Variants in VRK2 observed in about 807,000 individuals in gnomAD.
The protein encoded by VRK2 is VRK serine/threonine kinase 2, also known as serine/threonine-protein kinase VRK2.
Under a neutral mutation model 57.6 loss-of-function variants are expected in VRK2, and 60 were observed. That is an observed-to-expected ratio of 1.04 (90% CI 0.85 to 1.29). VRK2 has a LOEUF of 1.29. Among genes scored for constraint, VRK2 ranks in the 50% most tolerant of loss-of-function variants. The pLI, the probability that VRK2 is intolerant of heterozygous loss-of-function variation, is 0.00. For synonymous variants in VRK2, 231 were observed against 199.2 expected, an observed-to-expected ratio of 1.16 and a Z score of -1.35; for missense variants, 705 against 588.1, an observed-to-expected ratio of 1.20 and a Z score of -2.06.
chr2:58,010,536 G>C (rs1673388041), intron 1 of VRK2, among the ~76,000 whole-genome samples: 1 of 152,024 alleles, frequency 6.6e-6, no homozygotes, highest in Admixed American at 6.6e-5. Context: ...TAGCCTGTTG[G>C]TTAATTTTGC....
chr2:58,110,414 T>C (rs1675386982), intron 7 of VRK2, among the ~76,000 whole-genome samples: 1 of 152,136 alleles, frequency 6.6e-6, no homozygotes, highest in Non-Finnish European at 1.5e-5. Flanking sequence ...AATAACTATA[T>C]GACAAAAAGG....
chr2:58,009,847 C>T (rs1210152822), intron 1 of VRK2, among the ~76,000 whole-genome samples: 2 of 152,042 alleles, frequency 1.3e-5, no homozygotes, highest in Non-Finnish European at 2.9e-5. Context: ...ATTCTCCATA[C>T]TGTTTTTTTC....
intron 7 of VRK2, among the ~76,000 whole-genome samples, chr2:58,104,468 A>G (rs1040201497): frequency 4.6e-5 from 7 of 151,796 alleles, no homozygotes; most frequent in Admixed American, 3.3e-4. Context: ...TACAGTAACT[A>G]AAAAAATGAA....
chr2:58,049,819 A>G (rs1675438423), intron 2 of VRK2, among the ~76,000 whole-genome samples: 1 of 152,210 alleles, frequency 6.6e-6, no homozygotes, highest in Non-Finnish European at 1.5e-5. Context: ...ATATTTCCAG[A>G]AAAACATGCT....
chr2:57,947,126 T>C (rs1671286094), intron 1 of VRK2, among the ~76,000 whole-genome samples: 1 of 152,174 alleles, frequency 6.6e-6, no homozygotes, highest in African/African-American at 2.4e-5. Flanking sequence ...AACTCGTTAC[T>C]TCATCAATGC....
chr2:58,107,642 A>G (rs1230782090), intron 7 of VRK2, among the ~76,000 whole-genome samples: 1 of 152,276 alleles, frequency 6.6e-6, no homozygotes, highest in African/African-American at 2.4e-5. Context: ...AAATTAGTTT[A>G]CTTAATATTG....
At chr2:58,035,860 T>G (rs1674258193) in intron 3 of VRK2, among the ~76,000 whole-genome samples, 1 of 152,026 alleles carries the variant, frequency 6.6e-6, no homozygotes, top group Non-Finnish European at 1.5e-5. Flanking sequence ...GGATAATATT[T>G]GGGTATAAAA....
intron 2 of VRK2, among the ~76,000 whole-genome samples, chr2:58,049,441 C>T (rs927183919): frequency 1.3e-5 from 2 of 152,280 alleles, no homozygotes; most frequent in East Asian, 1.9e-4. Flanking sequence ...ACTTCTCTCT[C>T]GTGCATCTAG....
chr2:58,015,943 C>T (rs1673567077), intron 1 of VRK2, among the ~76,000 whole-genome samples: 1 of 151,762 alleles, frequency 6.6e-6, no homozygotes, highest in Non-Finnish European at 1.5e-5. Flanking sequence ...TTTCTTATAG[C>T]TAGCTTTTTT....
intron 12 of VRK2, among the ~76,000 whole-genome samples, chr2:58,156,613 GT>G (rs374653003): frequency 6.9e-6 from 1 of 145,438 alleles, no homozygotes; most frequent in African/African-American, 2.8e-5. Context: ...GTTTTGTTTT[GT>G]TTTTGCCTGA....
At chr2:58,098,586 T>C (rs1288110847) in intron 7 of VRK2, among the ~76,000 whole-genome samples, 2 of 151,896 alleles carry the variant, frequency 1.3e-5, no homozygotes, top group African/African-American at 4.8e-5. Flanking sequence ...GTATTTACTA[T>C]AGTAACATGC....
chr2:57,950,508 T>A (rs1671394661), intron 1 of VRK2, among the ~76,000 whole-genome samples: 1 of 152,192 alleles, frequency 6.6e-6, no homozygotes, highest in African/African-American at 2.4e-5. Flanking sequence ...TGAGACCCAC[T>A]GCTTAGAGAA....
intron 7 of VRK2, among the ~76,000 whole-genome samples, chr2:58,115,194 G>C (rs1298552735): frequency 6.6e-6 from 1 of 152,116 alleles, no homozygotes; most frequent in African/African-American, 2.4e-5. Context: ...TGTGTTCAGG[G>C]TGAGGGACAG....
At chr2:58,137,173 C>CAT (rs1181404531) in intron 10 of VRK2, among the ~76,000 whole-genome samples, 12 of 700 alleles carry the variant, frequency 0.017, no homozygotes, top group African/African-American at 0.031. Flanking sequence ...TATCATATAT[C>CAT]ATATATATCA....
At chr2:57,923,811 G>A (rs759535246) in intron 1 of VRK2, among the ~76,000 whole-genome samples, 7 of 151,800 alleles carry the variant, frequency 4.6e-5, no homozygotes, top group African/African-American at 9.7e-5. Flanking sequence ...CCATTACAAT[G>A]TCTAGAGAAT....
intron 1 of VRK2, among the ~76,000 whole-genome samples, chr2:57,909,278 A>G (rs1669915814): frequency 1.3e-5 from 2 of 152,242 alleles, no homozygotes. Context: ...TTTAGGAAGC[A>G]TTTTATTAGT....
At chr2:58,065,643 A>C (rs1404916329) in intron 2 of VRK2, among the ~76,000 whole-genome samples, 1 of 152,100 alleles carries the variant, frequency 6.6e-6, no homozygotes, top group Admixed American at 6.6e-5. Flanking sequence ...CGACAACAAA[A>C]ATTGCTGGGA....
upstream of VRK2, among the ~76,000 whole-genome samples, chr2:58,042,435 T>A (rs1674497508): frequency 6.6e-6 from 1 of 152,166 alleles, no homozygotes; most frequent in Admixed American, 6.5e-5. Context: ...GCCTCCTGAT[T>A]TTTACAGAAC....
At chr2:58,068,220 C>T (rs557394255) in intron 2 of VRK2, among the ~76,000 whole-genome samples, 1 of 152,182 alleles carries the variant, frequency 6.6e-6, no homozygotes, top group African/African-American at 2.4e-5. Context: ...TTTTGTACTT[C>T]AATATCTTTC....
Sources: allele counts gnomAD v4.1 joint callset (sites outside exome capture counted in the v4.1 genomes callset), GRCh38; gene constraint gnomAD v4.1.1; transcripts MANE v1.5; gene names NCBI Gene and HGNC (gene_info 2026-07-23, HGNC 2026-07-21).